The following NRG2 variants were observed in gnomAD, a reference collection of about 807,000 sequenced individuals.
NRG2 encodes pro-neuregulin-2, membrane-bound isoform.
Under a neutral mutation model 73.9 loss-of-function variants are expected in NRG2, and 27 were observed. The ratio of observed to expected loss-of-function variants is 0.37; its 90% CI spans 0.27 to 0.50. The LOEUF (loss-of-function observed/expected upper bound fraction) is 0.50. NRG2 is among the 20% of genes least tolerant of loss of function. NRG2 has a pLI of 0.96. For missense variants in NRG2, 1,126 were observed against 1,210.1 expected (o/e 0.93, Z 1.03); for synonymous variants, 532 against 541.0 (o/e 0.98, Z 0.23).
intron 1 of NRG2, among the ~76,000 whole-genome samples, chr5:139,938,937 GAAAGA>G: frequency 1.7e-5 from 2 of 114,618 alleles, no homozygotes; most frequent in South Asian, 2.9e-4. Context: ...AAGAAAGAAA[GAAAGA>G]AAGAAAGAAA....
chr5:140,042,262 C>A (rs1761986743), intron 1 of NRG2, 108 bp downstream of exon 1: 1 of 289,206 alleles, frequency 3.5e-6, no homozygotes, highest in Non-Finnish European at 5.5e-6. Flanking sequence ...CCCCCCAGCG[C>A]CCGGACGCTG....
At chr5:139,888,062 C>T (rs983161445) in intron 1 of NRG2, among the ~76,000 whole-genome samples, 1 of 152,104 alleles carries the variant, frequency 6.6e-6, no homozygotes, top group Non-Finnish European at 1.5e-5. Flanking sequence ...GCCCCAGTCT[C>T]CCATGCTTCA....
Position 139,881,572 on chromosome 5 carries a change from C to T in NRG2, c.873-598G>A, listed in dbSNP as rs138153059. ...TTCAACAAATGTTTACTGAGCACTT[C>T]CTGTGTGCCAGGAGCTTGTACACCT... On this transcript the variant is annotated intron_variant, in intron 2 of 9. Transcript: ENST00000361474. Among the ~76,000 whole-genome samples, 598 of 152,320 alleles carry T rather than the reference C, an allele frequency of 3.9e-3. 2 individuals are homozygous for T. Among genetic ancestry groups the T allele is most frequent in the Non-Finnish European group, 6.9e-3 (471 of 68,028 alleles).
chr5:140,035,135 G>A (rs1198359252), intron 1 of NRG2, among the ~76,000 whole-genome samples: 1 of 151,980 alleles, frequency 6.6e-6, no homozygotes, highest in Non-Finnish European at 1.5e-5. Flanking sequence ...TTTGTTTTTT[G>A]TTTTTTATTA....
intron 9 of NRG2, among the ~76,000 whole-genome samples, chr5:139,850,807 A>G (rs1761368033): frequency 6.6e-6 from 1 of 152,124 alleles, no homozygotes. Flanking sequence ...TGTTGCTGCT[A>G]CTGCCAAGGC....
At chr5:139,968,792 C>A (rs1208992735) in intron 1 of NRG2, among the ~76,000 whole-genome samples, 2 of 152,254 alleles carry the variant, frequency 1.3e-5, no homozygotes, top group Non-Finnish European at 1.5e-5. Flanking sequence ...CCGCACAGGG[C>A]AGCAGAGGCA....
intron 1 of NRG2, among the ~76,000 whole-genome samples, chr5:139,985,614 T>C (rs943903904): frequency 9.2e-5 from 14 of 152,168 alleles, no homozygotes; most frequent in African/African-American, 3.1e-4. Context: ...TAAAAATGCA[T>C]GCAGGCTTAC....
intron 1 of NRG2, among the ~76,000 whole-genome samples, chr5:139,956,618 C>G (rs1754646452): frequency 1.3e-5 from 2 of 152,122 alleles, no homozygotes; most frequent in Non-Finnish European, 2.9e-5. Flanking sequence ...GAACTGGGAC[C>G]CAGGGATGGA....
intron 1 of NRG2, among the ~76,000 whole-genome samples, chr5:139,906,267 A>G (rs1765218545): frequency 6.6e-6 from 1 of 152,086 alleles, no homozygotes; most frequent in Non-Finnish European, 1.5e-5. Flanking sequence ...CAGCCTCTCA[A>G]AGTGTTGGGA....
chr5:139,900,586 TTTTTG>T (rs1296489574), intron 1 of NRG2, among the ~76,000 whole-genome samples: 1 of 152,122 alleles, frequency 6.6e-6, no homozygotes, highest in Non-Finnish European at 1.5e-5. Flanking sequence ...CCAGAGGGTT[TTTTTG>T]TTTTGTTTTG....
chr5:139,969,141 G>A (rs1171567099), intron 1 of NRG2, among the ~76,000 whole-genome samples: 2 of 152,222 alleles, frequency 1.3e-5, no homozygotes, highest in African/African-American at 4.8e-5. Flanking sequence ...GCAGACTCTG[G>A]CCCTGAGCCA....
At chr5:139,912,454 CT>C (rs1168669424) in intron 1 of NRG2, among the ~76,000 whole-genome samples, 3 of 152,140 alleles carry the variant, frequency 2.0e-5, no homozygotes, top group African/African-American at 4.8e-5. Flanking sequence ...AGACTTAGCC[CT>C]TCTGGGAATT....
At chr5:139,897,824 A>G (rs1764641147) in intron 1 of NRG2, among the ~76,000 whole-genome samples, 1 of 152,160 alleles carries the variant, frequency 6.6e-6, no homozygotes, top group Admixed American at 6.5e-5. Flanking sequence ...CTAGAATGGC[A>G]GAGCAGATAA....
chr5:140,030,011 T>C (rs1475195331), intron 1 of NRG2, among the ~76,000 whole-genome samples: 1 of 152,128 alleles, frequency 6.6e-6, no homozygotes, highest in Non-Finnish European at 1.5e-5. Flanking sequence ...CAAAGCCACA[T>C]TGCTAGTAGC....
At position 139,915,812 on chromosome 5, in the gene NRG2, A is replaced by T. The variant is rs899950682; in HGVS notation, c.701-28301T>A. Among the ~76,000 whole-genome samples, 3 of 152,226 alleles carry T rather than the reference A, an allele frequency of 2.0e-5. No homozygotes were observed. Among genetic ancestry groups the T allele is most frequent in the Non-Finnish European group, 4.4e-5 (3 of 68,040 alleles). ...GCAAAAGATGAGCTGAGAGTACAGG[A>T]GATGCTTTCCTGGAATATGGGACAG... On this transcript the variant is annotated intron_variant, in intron 1 of 9. Transcript: ENST00000361474. This position sits in a 1 kb window ranked among gnomAD's most constrained non-coding sequence, Gnocchi z 4.0.
rs1761059067 is a variant in NRG2, at chr5:139,847,345, C to A, written c.*572G>T. ...CATTCGGGTAGCTGTGTCTTTATCTCCCCCTGGAAGTTACCCCAGCTCCAG... is the reference window on the plus strand; with the variant it reads ...CATTCGGGTAGCTGTGTCTTTATCTACCCCTGGAAGTTACCCCAGCTCCAG... On this transcript the variant is annotated 3_prime_UTR_variant, in exon 10 of 10. Transcript: ENST00000361474. 6.6e-6 allele frequency: 1 copy of A among 151,892 alleles called. No individual in the cohort carries two copies. The highest frequency in any genetic ancestry group is 2.1e-4 in the South Asian group (1 of 4,794). 9.4% of individuals were successfully genotyped at this position (151,892 alleles called of 1,614,324 possible). A position where few individuals can be genotyped will look rare whatever the true frequency, so the allele number is the denominator to read the frequency against.
chr5:139,847,997 C>G lies in NRG2; in HGVS notation c.2473G>C (p.Asp825His). 2 of 1,515,228 alleles carry G rather than the reference C, an allele frequency of 1.3e-6. No homozygotes were observed. The highest frequency in any genetic ancestry group is 1.8e-6 in the Non-Finnish European group (2 of 1,135,984). The allele number at this position is 1,515,228 out of a possible 1,614,324, so 93.9% of individuals were successfully genotyped here. Residue 825 changes from aspartate to histidine, a missense_variant, in exon 10 of 10, where the codon GAC (aspartate) becomes CAC (histidine). Transcript: ENST00000361474. ...CTGCTGGCCCGCGTGCTGTGGCTGT[C>G]CAGTGAGTAGTAAGTCCTGCTGTCG... is the stretch of plus-strand genomic sequence containing the variant. ...AADSRTYYSL[D>H]SHSTRASSRH...
chr5:139,992,112 A>G (rs1373284335), intron 1 of NRG2, among the ~76,000 whole-genome samples: 3 of 152,220 alleles, frequency 2.0e-5, no homozygotes, highest in Non-Finnish European at 4.4e-5. Flanking sequence ...AAATTATCCT[A>G]TCTATGAAAG....
At chr5:139,972,538 A>G (rs911586985) in intron 1 of NRG2, among the ~76,000 whole-genome samples, 2 of 152,268 alleles carry the variant, frequency 1.3e-5, no homozygotes, top group African/African-American at 4.8e-5. Flanking sequence ...CAGCCTGGCC[A>G]ACATAGTGAA....
Sources: allele counts gnomAD v4.1 joint callset (sites outside exome capture counted in the v4.1 genomes callset), GRCh38; gene constraint gnomAD v4.1.1; non-coding constraint Gnocchi (gnomAD v3.1); transcripts MANE v1.5; gene names NCBI Gene and HGNC (gene_info 2026-07-23, HGNC 2026-07-21).